Variants in NUP210L observed in about 807,000 individuals in gnomAD.
The protein encoded by NUP210L is nuclear pore membrane glycoprotein 210-like.
In NUP210L, 74 loss-of-function variants were observed where a neutral mutation model predicts 208.5. That is an observed-to-expected ratio of 0.35 (90% CI 0.29 to 0.43). The LOEUF is 0.43. Among genes scored for constraint, NUP210L ranks in the 20% least tolerant of loss-of-function variants. The pLI is 1.00. For missense variants in NUP210L, 1,843 were observed against 2,289.4 expected (o/e 0.81, Z 3.98); for synonymous variants, 780 against 816.9 (o/e 0.95, Z 0.77).
At position 154,139,902 on chromosome 1, in the gene NUP210L, T is replaced by C. The variant is rs756719287; in HGVS notation, c.617A>G (p.Glu206Gly). The change falls in exon 5 of 40, where the codon GAG (glutamate) becomes GGG (glycine). Residue 206 changes from glutamate (E) to glycine (G), a missense_variant. Glu to Gly is a moderately conservative substitution (Grantham distance 98, BLOSUM62 -2). Coordinates refer to ENST00000368559, the Ensembl canonical transcript of NUP210L. ...TCCTTGTTTCTCCTCTTTTTCCATCTCAGCTATATATATTGGGGGAGCATA... is the reference window on the plus strand; with the variant it reads ...TCCTTGTTTCTCCTCTTTTTCCATCCCAGCTATATATATTGGGGGAGCATA... 1.9e-6 allele frequency: 3 copies of C among 1,611,744 alleles called. No homozygotes were observed. In the South Asian group the frequency reaches 3.3e-5, roughly 18 times the overall value.
chr1:154,030,053 A>C, exon 28 of NUP210L: 1 of 1,573,336 alleles, frequency 6.4e-7, no homozygotes, highest in Non-Finnish European at 8.6e-7. Context: ...CTGTAGAAAA[A>C]CCTAGACAGT....
chr1:154,066,350 C>T (rs1437245758), intron 17 of NUP210L, among the ~76,000 whole-genome samples: 4 of 152,274 alleles, frequency 2.6e-5, no homozygotes, highest in East Asian at 3.9e-4. Flanking sequence ...CGGTGGCTCA[C>T]GCCTGTAATC....
At chr1:154,133,988 A>G (rs894104285) in intron 7 of NUP210L, among the ~76,000 whole-genome samples, 2 of 152,000 alleles carry the variant, frequency 1.3e-5, no homozygotes, top group Admixed American at 6.6e-5. Flanking sequence ...CATCTCTACT[A>G]AAAATACAAA....
At chr1:154,088,351 T>C (rs1329436287) in intron 16 of NUP210L, among the ~76,000 whole-genome samples, 10 of 151,746 alleles carry the variant, frequency 6.6e-5, no homozygotes, top group Admixed American at 1.3e-4. Context: ...AGGGTGAATA[T>C]ATGCTAGTGT....
exon 17 of NUP210L, chr1:154,070,421 C>G: frequency 1.9e-6 from 3 of 1,612,418 alleles, no homozygotes; most frequent in Non-Finnish European, 1.7e-6. Context: ...GTTGATCAAA[C>G]ACTGCTAGTT....
At chr1:154,152,365 G>C (rs1659440815) in intron 2 of NUP210L, among the ~76,000 whole-genome samples, 2 of 151,786 alleles carry the variant, frequency 1.3e-5, no homozygotes, top group African/African-American at 4.8e-5. Flanking sequence ...GTAGAGACGA[G>C]GTTTTACCAT....
At position 154,004,858 on chromosome 1, in the gene NUP210L, T is replaced by C. The variant is rs527621867; in HGVS notation, c.4931-2873A>G. On this transcript the variant is annotated intron_variant, in intron 35 of 39. Transcript: ENST00000368559. ...TTTTCTTTTCTTTCTTTCTTTCTTT[T>C]TTTTTTTTTTTTTGAGATGGAATCT... Among the ~76,000 whole-genome samples, 300 of 145,168 alleles carry C rather than the reference T, an allele frequency of 2.1e-3. 2 individuals are homozygous for C. Among genetic ancestry groups the C allele is most frequent in the Non-Finnish European group, 3.1e-3 (202 of 66,040 alleles).
chr1:154,144,205 T>A (rs1398220983), intron 2 of NUP210L, among the ~76,000 whole-genome samples: 1 of 151,922 alleles, frequency 6.6e-6, no homozygotes, highest in East Asian at 1.9e-4. Context: ...AAATAAAAAA[T>A]AAAAAGTGAA....
At chr1:154,019,917 ACT>A (rs1156826298) in intron 32 of NUP210L, among the ~76,000 whole-genome samples, 1 of 152,162 alleles carries the variant, frequency 6.6e-6, no homozygotes, top group Admixed American at 6.6e-5. Context: ...TAAGAGTGAA[ACT>A]CTGTCTCAAA....
At chr1:154,000,293 A>G (rs1650135467) in intron 37 of NUP210L, among the ~76,000 whole-genome samples, 1 of 152,160 alleles carries the variant, frequency 6.6e-6, no homozygotes, top group African/African-American at 2.4e-5. Flanking sequence ...AAACTGTGAT[A>G]ACATCTGTCC....
intron 7 of NUP210L, among the ~76,000 whole-genome samples, chr1:154,133,182 C>T (rs1658342770): frequency 6.6e-6 from 1 of 152,294 alleles, no homozygotes; most frequent in Non-Finnish European, 1.5e-5. Flanking sequence ...TTGCTCTTTC[C>T]TTTCCCTAGA....
At chr1:154,068,843 G>A in intron 17 of NUP210L, among the ~76,000 whole-genome samples, 1 of 151,858 alleles carries the variant, frequency 6.6e-6, no homozygotes, top group African/African-American at 2.4e-5. Context: ...GGGAAGGGGG[G>A]AGGGATAGCA....
chr1:154,089,561 C>A lies in NUP210L; in HGVS notation c.2221G>T (p.Val741Phe). ...TCTACAGCTGGACTAGGGTTCAGGA[C>A]ACCTGGATGATTTCCAATTCGGAAT... The change falls in exon 16 of 40, where the codon GTC (valine) becomes TTC (phenylalanine). Residue 741 changes from valine (V) to phenylalanine (F), a missense_variant. Around this residue, in one of 5 missense-constraint regions of NUP210L, gnomAD observed 408 missense variants for 600.8 expected, o/e 0.68. Coordinates refer to ENST00000368559, the Ensembl canonical transcript of NUP210L. 5 of 1,614,098 alleles carry A rather than the reference C, an allele frequency of 3.1e-6. No individual in the cohort carries two copies. In the South Asian group the frequency reaches 5.5e-5, roughly 18 times the overall value.
Position 154,061,642 on chromosome 1 carries a change from CT to C in NUP210L, c.2586del (p.Thr864LeufsTer3). ...AAATTGACTCCAATCAGTACAGTCC[CT>C]TTTATCTGATGTACTTTAAGGATCT... On this transcript the variant is annotated frameshift_variant, in exon 18 of 40. Transcript: ENST00000368559. LOFTEE classifies it high-confidence loss of function. The C allele has an allele frequency of 6.2e-7, 1 of 1,607,904 alleles. No individual in the cohort carries two copies. The highest frequency in any genetic ancestry group is 2.2e-5 in the East Asian group (1 of 44,532).
chr1:154,057,690 A>ATGTGTGTGTG lies in NUP210L; in HGVS notation c.3107+389_3107+398dup, dbSNP rs4060104. 2.3e-3 allele frequency among the ~76,000 whole-genome samples: 293 copies of ATGTGTGTGTG among 125,464 alleles called. 7 individuals are homozygous for ATGTGTGTGTG. Among genetic ancestry groups the ATGTGTGTGTG allele is most frequent in the East Asian group, 7.2e-3 (28 of 3,892 alleles). The allele number at this position is 125,464 out of a possible 152,430, so 82.3% of individuals were successfully genotyped here. A position where few individuals can be genotyped will look rare whatever the true frequency, so the allele number is the denominator to read the frequency against. ...CAAACAAGGCATCTGAGGACCTCGA[A>ATGTGTGTGTG]TGTGTGTGTGTGTGTGTGTGTGTGT... On this transcript the variant is annotated intron_variant, in intron 22 of 39. Transcript: ENST00000368559.
intron 4 of NUP210L, 123 bp downstream of exon 4, chr1:154,141,308 A>T (rs1308534535): frequency 1.2e-5 from 8 of 663,554 alleles, no homozygotes; most frequent in Non-Finnish European, 1.9e-5. Context: ...GTAATTTATC[A>T]GTTTCAAAAA....
At chr1:154,147,299 G>GA (rs1037605752) in intron 2 of NUP210L, among the ~76,000 whole-genome samples, 12 of 151,794 alleles carry the variant, frequency 7.9e-5, no homozygotes, top group African/African-American at 2.7e-4. Context: ...CTAATCATGA[G>GA]AAAAAGTTAG....
intron 10 of NUP210L, among the ~76,000 whole-genome samples, chr1:154,122,781 A>G (rs567944926): frequency 3.4e-4 from 51 of 152,082 alleles, no homozygotes; most frequent in Non-Finnish European, 5.7e-4. Flanking sequence ...TTCCAGGGCC[A>G]GGTGCAGTGG....
At chr1:153,993,416 A>G (rs1649600597) in intron 38 of NUP210L, among the ~76,000 whole-genome samples, 1 of 152,076 alleles carries the variant, frequency 6.6e-6, no homozygotes, top group Non-Finnish European at 1.5e-5. Context: ...AATATAAAAA[A>G]TTAGCTGGGC....
Sources: gnomAD v4.1 joint callset for allele counts (sites outside exome capture counted in the v4.1 genomes callset) on GRCh38, gnomAD v4.1.1 for gene constraint, gnomAD v4.1.1 regional missense constraint, MANE v1.5 for transcripts, NCBI Gene and HGNC (gene_info 2026-07-23, HGNC 2026-07-21) for gene names.